Variants in APBA3 observed in about 807,000 individuals in gnomAD.
APBA3 encodes amyloid beta precursor protein binding family A member 3, also known as amyloid-beta A4 precursor protein-binding family A member 3.
A neutral mutation model predicts 55.9 loss-of-function variants in APBA3; 45 were observed. The observed-to-expected ratio is 0.80, with a 90% confidence interval of 0.63 to 1.03. The LOEUF is 1.03. APBA3 is among the 50% of genes least tolerant of loss of function. APBA3 has a pLI of 0.00. For missense variants in APBA3, 865 were observed against 820.3 expected (o/e 1.05, Z -0.67); for synonymous variants, 370 against 353.3 (o/e 1.05, Z -0.53).
Position 3,752,889 on chromosome 19 carries a change from C to G in APBA3, c.1113G>C (p.Pro371=). The G allele has an allele frequency of 6.2e-7, 1 of 1,613,268 alleles. No individual in the cohort carries two copies. Among genetic ancestry groups the G allele is most frequent in the Non-Finnish European group, 8.5e-7 (1 of 1,179,858 alleles). The change falls in exon 7 of 11, where the codon CCG becomes CCC. Residue 371 remains proline (P), a synonymous_variant. Coordinates refer to ENST00000316757, the MANE Select transcript of APBA3 (RefSeq NM_004886.4). ...GIDPSQVGVH[P]SPGACHLHNG... ...TATGGAGGTGGCAGGCGCCTGGGCT[C>G]GGGTGCACGCCCACCTGGCTGGGGT... is the stretch of plus-strand genomic sequence containing the variant.
At position 3,754,053 on chromosome 19, in the gene APBA3, G is replaced by A. The variant is rs2037045002; in HGVS notation, c.815C>T (p.Thr272Ile). The A allele has an allele frequency of 6.2e-7, 1 of 1,611,230 alleles. No homozygotes were observed. Residue 272 changes from threonine (T) to isoleucine (I), a missense_variant, in exon 5 of 11, where the codon ACC becomes ATC. Coordinates refer to ENST00000316757, the MANE Select transcript of APBA3 (RefSeq NM_004886.4). The stretch of plus-strand genomic sequence containing the variant: ...CGCTGTCAAGACCTTGATCCTCTTG[G>A]TGGAGACGAACAGGTCCACCTCCGT... ...PMTEVDLFVSTKRIKVLTADS... is the reference protein window; with the variant it reads ...PMTEVDLFVSIKRIKVLTADS...
At chr19:3,758,095 C>T (rs1006280469) in intron 3 of APBA3, among the ~76,000 whole-genome samples, 6 of 150,736 alleles carry the variant, frequency 4.0e-5, no homozygotes, top group Admixed American at 6.6e-5. Context: ...CTACCATGCC[C>T]GGCTAATTTT....
chr19:3,751,018 T>C lies in APBA3; in HGVS notation c.*8A>G, dbSNP rs2145713559. The stretch of plus-strand genomic sequence containing the variant: ...CGAAGGCACAGTGGCAGGCAAGGGA[T>C]GAGGTGGTCACAGGTACACGGGCTG... On this transcript the variant is annotated 3_prime_UTR_variant, in exon 11 of 11. Coordinates refer to ENST00000316757, the MANE Select transcript of APBA3 (RefSeq NM_004886.4). 3 of 1,556,848 alleles carry C rather than the reference T, an allele frequency of 1.9e-6. No homozygotes were observed. Among genetic ancestry groups the C allele is most frequent in the Non-Finnish European group, 2.6e-6 (3 of 1,149,874 alleles).
rs765154727 is a variant in APBA3, at chr19:3,752,599, G to C, written c.1304C>G (p.Ser435Trp). Residue 435 changes from serine (S) to tryptophan (W), a missense_variant, in exon 8 of 11, where the codon TCG becomes TGG. Transcript: ENST00000316757. ...GCGGTCCCCGATGCTGAGGGCCCCC[G>C]AGCGCTCAGCAGGCCCCCCGTGCAG... is the stretch of plus-strand genomic sequence containing the variant. The part of the protein sequence containing the change: ...NLLHGGPAER[S>W]GALSIGDRLT... 2 of 1,585,872 alleles carry C rather than the reference G, an allele frequency of 1.3e-6. No homozygotes were observed. The highest frequency in any genetic ancestry group is 1.7e-6 in the Non-Finnish European group (2 of 1,171,286).
chr19:3,752,769 G>A, intron 7 of APBA3, 49 bp from the exon 8 acceptor site: 1 of 1,609,364 alleles, frequency 6.2e-7, no homozygotes, highest in Non-Finnish European at 8.5e-7. Context: ...CCCGGTGCAG[G>A]TGCACGGGTG....
At chr19:3,754,376 G>A (rs566221017) in intron 3 of APBA3, 36 bp from the exon 4 acceptor site, 6 of 1,534,458 alleles carry the variant, frequency 3.9e-6, no homozygotes, top group South Asian at 1.2e-5. Context: ...GCCCCCAGGG[G>A]CCCACTCCCA....
Position 3,752,640 on chromosome 19 carries a change from G to A in APBA3, c.1263C>T (p.Ala421=), listed in dbSNP as rs367769851. Residue 421 remains alanine, a synonymous_variant, in exon 8 of 11, where the codon GCC becomes GCT. Transcript: ENST00000316757. ...ESGWGSLLPT[A]VIANLLHGGP... is the part of the protein sequence containing the mutation. Reference sequence around the variant, plus strand: ...CCCCGTGCAGCAGGTTGGCGATGACGGCTGTGGGCAGCAGGGAGCCCCAGC... The same window carrying A: ...CCCCGTGCAGCAGGTTGGCGATGACAGCTGTGGGCAGCAGGGAGCCCCAGC... 5.1e-5 allele frequency: 81 copies of A among 1,589,378 alleles called. No homozygotes were observed. The highest frequency in any genetic ancestry group is 3.1e-4 in the African/African-American group (23 of 74,806).
At chr19:3,760,719 A>C (rs956425201) in intron 1 of APBA3, among the ~76,000 whole-genome samples, 1 of 150,376 alleles carries the variant, frequency 6.6e-6, no homozygotes, top group Admixed American at 6.7e-5. Flanking sequence ...ATTGCACTCC[A>C]AGGTGGGCGA....
chr19:3,756,859 G>A (rs779927533), intron 3 of APBA3, among the ~76,000 whole-genome samples: 3 of 151,970 alleles, frequency 2.0e-5, no homozygotes, highest in Non-Finnish European at 2.9e-5. Context: ...CACTATAATT[G>A]GACAGCTCTG....
chr19:3,758,284 C>T (rs777620127), intron 3 of APBA3, among the ~76,000 whole-genome samples: 5 of 151,852 alleles, frequency 3.3e-5, no homozygotes, highest in African/African-American at 9.7e-5. Flanking sequence ...GACAGAGTCT[C>T]GCTCTGTTGC....
In APBA3 at chr19:3,751,433, C is replaced by A. The variant is rs200671047; in HGVS notation, c.1515+1G>T. ...CCCGGGGCCAGGGGCCGGGGCCTCA[C>A]GATGCCGTCCTCCACGCAGAAGCCC... On this transcript the variant is annotated splice_donor_variant, in intron 9 of 10. Transcript: ENST00000316757. LOFTEE classifies it high-confidence loss of function. The A allele has an allele frequency of 1.7e-5, 26 of 1,528,526 alleles. No homozygotes were observed. The highest frequency in any genetic ancestry group is 2.8e-5 in the African/African-American group (2 of 72,466). 94.7% of individuals were successfully genotyped at this position (1,528,526 alleles called of 1,614,324 possible).
intron 3 of APBA3, chr19:3,754,618 C>T (rs2037054397): frequency 2.4e-6 from 1 of 418,210 alleles, no homozygotes; most frequent in Middle Eastern, 6.3e-4. Flanking sequence ...CCCACAGATA[C>T]CTTCACCCCG....
intron 3 of APBA3, chr19:3,754,956 G>A (rs113123471): frequency 0.024 from 3,731 of 152,322 alleles, 55 homozygotes; most frequent in Middle Eastern, 0.078. Flanking sequence ...CGTGAGCCAC[G>A]ACGCTCCACC....
intron 7 of APBA3, 40 bp downstream of exon 7, chr19:3,752,780 T>TG: frequency 1.9e-6 from 3 of 1,609,636 alleles, no homozygotes; most frequent in Non-Finnish European, 2.5e-6. Context: ...TGCACGGGTG[T>TG]GGGGGGCACC....
At chr19:3,754,159 A>G in intron 4 of APBA3, 36 bp downstream of exon 4, 1 of 1,544,134 alleles carries the variant, frequency 6.5e-7, no homozygotes, top group Non-Finnish European at 8.7e-7. Context: ...CCTGCAGCCC[A>G]CCCGCCTGCC....
Position 3,754,360 on chromosome 19 carries a change from G to C in APBA3, c.617-20C>G, listed in dbSNP as rs529629269. 1.9e-6 allele frequency: 3 copies of C among 1,548,856 alleles called. No individual in the cohort carries two copies. The African/African-American group carries it at 4.1e-5, about 21-fold the overall frequency. Reference sequence around the variant, plus strand: ...CAGGCACTGAGGGCGACAGCGAAGAGGGTCGGCCCCCAGGGGCCCACTCCC... The same window carrying C: ...CAGGCACTGAGGGCGACAGCGAAGACGGTCGGCCCCCAGGGGCCCACTCCC... On this transcript the variant is annotated intron_variant, in intron 3 of 10. Coordinates refer to ENST00000316757, the MANE Select transcript of APBA3 (RefSeq NM_004886.4).
chr19:3,755,701 C>G (rs542716288), intron 3 of APBA3: 4 of 151,546 alleles, frequency 2.6e-5, no homozygotes, highest in Non-Finnish European at 5.9e-5. Context: ...AAAGCTGAGG[C>G]GGGAGAATCA....
chr19:3,761,244 A>C (rs1599178997), intron 1 of APBA3, among the ~76,000 whole-genome samples: 2 of 152,018 alleles, frequency 1.3e-5, no homozygotes, highest in East Asian at 3.9e-4. Context: ...GACTCTACCG[A>C]CTGGTCAGAG....
rs548949116 is a variant in APBA3 at position 3,760,233 on chromosome 19, G to A, written c.32C>T (p.Ser11Leu). 5.6e-6 allele frequency: 9 copies of A among 1,606,194 alleles called. No individual in the cohort carries two copies. Among genetic ancestry groups the A allele is most frequent in the African/African-American group, 4.0e-5 (3 of 74,876 alleles). MDFPTISRSP[S>L]GPPAMDLEGP... is the part of the protein sequence containing the mutation. The stretch of plus-strand genomic sequence containing the variant: ...CTCCAAGTCCATGGCTGGAGGCCCC[G>A]AAGGGGATCGGGAAATTGTGGGGAA... The change falls in exon 2 of 11, where the codon TCG becomes TTG. Residue 11 changes from serine to leucine, a missense_variant. Transcript: ENST00000316757.
Sources: gnomAD v4.1 joint callset for allele counts (sites outside exome capture counted in the v4.1 genomes callset) on GRCh38, gnomAD v4.1.1 for gene constraint, MANE v1.5 for transcripts, NCBI Gene and HGNC (gene_info 2026-07-23, HGNC 2026-07-21) for gene names.